The following COL6A1 variants were observed in gnomAD, a reference collection of about 807,000 sequenced individuals.
COL6A1 encodes the protein collagen alpha-1(VI) chain.
COL6A1 carries 80 observed loss-of-function variants against 145.6 expected under a neutral mutation model. The observed-to-expected ratio is 0.55, with a 90% confidence interval of 0.46 to 0.66. The LOEUF is 0.66. Ranked by LOEUF, COL6A1 falls within the 30% of genes least tolerant of loss-of-function variation. COL6A1 has a pLI of 0.00. For missense variants in COL6A1, 1,364 were observed against 1,473.8 expected (o/e 0.93, Z 1.22); for synonymous variants, 638 against 622.8 (o/e 1.02, Z -0.36).
At chr21:45,998,048 C>A (rs2077816257) in intron 22 of COL6A1, 73 bp from the exon 23 acceptor site, 2 of 1,567,590 alleles carry the variant, frequency 1.3e-6, no homozygotes, top group Non-Finnish European at 1.7e-6. Context: ...TGAGGTGCTC[C>A]CGGGCCTGTG....
rs762915587 is a variant in COL6A1, at chr21:46,004,369, C to T, written c.*356C>T. 2.0e-4 allele frequency: 67 copies of T among 334,964 alleles called. No individual in the cohort carries two copies. The highest frequency in any genetic ancestry group is 3.6e-4 in the Non-Finnish European group (61 of 168,734). The allele number at this position is 334,964 out of a possible 1,614,324, so 20.7% of individuals were successfully genotyped here. A position where few individuals can be genotyped will look rare whatever the true frequency, so the allele number is the denominator to read the frequency against. On this transcript the variant is annotated 3_prime_UTR_variant, in exon 35 of 35. Transcript: ENST00000361866. ...GTTCCCCACCCCGGGCTCTCCTGCC[C>T]TGCCCTCCTGCCCGCCCTCCCTCCT...
At position 45,998,420 on chromosome 21, in the gene COL6A1, C is replaced by T. The variant is rs765355178; in HGVS notation, c.1598C>T (p.Ala533Val). 1.9e-6 allele frequency: 3 copies of T among 1,613,196 alleles called. No homozygotes were observed. Among genetic ancestry groups the T allele is most frequent in the Admixed American group, 1.7e-5 (1 of 60,000 alleles). The change falls in exon 24 of 35, where the codon GCT becomes GTT. Residue 533 changes from alanine to valine, a missense_variant. Transcript: ENST00000361866. ...GFPGYPGNRG[A>V]PGINGTKGYP... ...CAGGGGTATCCGGGCAACAGGGGCG[C>T]TCCCGGGATAAACGTGAGTACGCCC...
At chr21:45,985,241 CAG>C (rs2077732526) in intron 3 of COL6A1, among the ~76,000 whole-genome samples, 1 of 148,020 alleles carries the variant, frequency 6.8e-6, no homozygotes, top group Admixed American at 6.7e-5. Context: ...GAGACAGGGA[CAG>C]AGACAGAGAC....
intron 20 of COL6A1, among the ~76,000 whole-genome samples, chr21:45,996,885 GGCAGGGTGGTGTC>G (rs1232622618): frequency 6.6e-6 from 1 of 152,214 alleles, no homozygotes; most frequent in African/African-American, 2.4e-5. Context: ...TGCAGGTGGG[GGCAGGGTGGTGTC>G]CAGGCTCAGC....
At chr21:45,987,817 AGTCCAGATGGAGGGGATGGCGGG>A (rs1569517977) in intron 8 of COL6A1, among the ~76,000 whole-genome samples, 163 bp downstream of exon 8, 2 of 3,198 alleles carry the variant, frequency 6.3e-4, no homozygotes, top group Admixed American at 3.3e-3. Context: ...GGACGGCGGG[AGTCCAGATGGAGGGGATGGCGGG>A]GTCCAGATGG....
intron 26 of COL6A1, 176 bp from the exon 27 acceptor site, chr21:45,999,481 C>A: frequency 1.2e-6 from 1 of 801,796 alleles, no homozygotes; most frequent in East Asian, 2.7e-5. Context: ...CACCAGTGTG[C>A]GAAGCCCCAG....
rs1403823858 is a variant in COL6A1 at position 45,994,042 on chromosome 21, C to T, written c.1336-125C>T. ...TTGGCGAGGCCAGGAAGGGGCTGTG[C>T]GGGGAGGGAAGGCCGGAACAGCCCA... On this transcript the variant is annotated intron_variant, in intron 19 of 34. Coordinates refer to ENST00000361866, the MANE Select transcript of COL6A1 (RefSeq NM_001848.3). This position sits in a 1 kb window ranked among gnomAD's most constrained non-coding sequence, Gnocchi z 6.8. The T allele has an allele frequency of 2.0e-5, 20 of 982,878 alleles. No homozygotes were observed. Among genetic ancestry groups the T allele is most frequent in the Admixed American group, 4.0e-5 (2 of 50,100 alleles). The allele number at this position is 982,878 out of a possible 1,614,324, so 60.9% of individuals were successfully genotyped here. A position where few individuals can be genotyped will look rare whatever the true frequency, so the allele number is the denominator to read the frequency against.
At chr21:45,999,881 G>GTGAGGATCATGGAGGGCA (rs1569518864) in intron 27 of COL6A1, among the ~76,000 whole-genome samples, 189 bp downstream of exon 27, 1 of 116,322 alleles carries the variant, frequency 8.6e-6, no homozygotes. Context: ...ATAGGGGGAT[G>GTGAGGATCATGGAGGGCA]TGTGAGGACC....
Position 45,998,411 on chromosome 21 carries a change from A to T in COL6A1, c.1589A>T (p.Asn530Ile). 6.2e-7 allele frequency: 1 copy of T among 1,613,186 alleles called. No homozygotes were observed. Among genetic ancestry groups the T allele is most frequent in the African/African-American group, 1.3e-5 (1 of 75,024 alleles). The change falls in exon 24 of 35, where the codon AAC (asparagine) becomes ATC (isoleucine). Residue 530 changes from asparagine to isoleucine, a missense_variant. Transcript: ENST00000361866. ...GFPGFPGYPG[N>I]RGAPGINGTK... ...TTTCCATGACAGGGGTATCCGGGCAACAGGGGCGCTCCCGGGATAAACGTG... is the reference window on the plus strand; with the variant it reads ...TTTCCATGACAGGGGTATCCGGGCATCAGGGGCGCTCCCGGGATAAACGTG...
rs761678568 is a variant in COL6A1, at chr21:45,999,198, C to T, written c.1720C>T (p.Arg574Trp). Reference sequence around the variant, plus strand: ...AGGAGTCAAAGGAGCAAAGGGGTACCGGGGTCCCGAGGGCCCCCAGGTGGG... The same window carrying T: ...AGGAGTCAAAGGAGCAAAGGGGTACTGGGGTCCCGAGGGCCCCCAGGTGGG... ...PRGVKGAKGY[R>W]GPEGPQGPPG... Residue 574 changes from arginine to tryptophan, a missense_variant, in exon 26 of 35, where the codon CGG becomes TGG. This residue lies in a region of COL6A1 where 938 missense variants were observed against 1,003.8 expected (regional missense o/e 0.93). Coordinates refer to ENST00000361866, the MANE Select transcript of COL6A1 (RefSeq NM_001848.3). 1.0e-5 allele frequency: 16 copies of T among 1,602,008 alleles called. No homozygotes were observed. Among genetic ancestry groups the T allele is most frequent in the African/African-American group, 2.7e-5 (2 of 74,828 alleles).
chr21:45,997,357 G>A (rs2077811015), intron 20 of COL6A1, 64 bp from the exon 21 acceptor site: 1 of 1,492,990 alleles, frequency 6.7e-7, no homozygotes, highest in African/African-American at 1.4e-5. Flanking sequence ...CTCAGCTTAG[G>A]GTCAGGGAGG....
rs766658998 is a variant in COL6A1 at position 45,991,992 on chromosome 21, TC to T, written c.1120-13del. 1.1e-5 allele frequency: 17 copies of T among 1,566,622 alleles called. No individual in the cohort carries two copies. The East Asian group carries it at 3.8e-4, about 35-fold the overall frequency. On this transcript the variant is annotated splice_polypyrimidine_tract_variant and intron_variant, in intron 15 of 34. Transcript: ENST00000361866. ...GCACACCCCTGCCAGCGTGTGTGAC[TC>T]CCCCGGTCTTCCCCAGGGCGAGCCT...
Position 45,984,467 on chromosome 21 carries a change from G to C in COL6A1, c.426G>C (p.Val142=). 1 of 1,609,284 alleles carries C rather than the reference G, an allele frequency of 6.2e-7. No homozygotes were observed. Among genetic ancestry groups the C allele is most frequent in the East Asian group, 2.2e-5 (1 of 44,860 alleles). ...AGAAGGGGCTGGAGCAGCTCCTCGT[G>C]GGGTGAGTGGCCCCCAGCCTCCTGC... The part of the protein sequence containing the change: ...AIKKGLEQLL[V]GGSHLKENKY... The change falls in exon 3 of 35, where the codon GTG becomes GTC. Residue 142 remains valine, a splice_region_variant and synonymous_variant. Transcript: ENST00000361866.
At chr21:45,995,596 A>G (rs1391274030) in intron 20 of COL6A1, among the ~76,000 whole-genome samples, 2 of 152,236 alleles carry the variant, frequency 1.3e-5, no homozygotes, top group Non-Finnish European at 2.9e-5. Flanking sequence ...CCACTATAAG[A>G]AAAAAACAAA....
At chr21:45,992,097 C>G in intron 16 of COL6A1, 25 bp downstream of exon 16, 1 of 1,613,472 alleles carries the variant, frequency 6.2e-7, no homozygotes, top group Non-Finnish European at 8.5e-7. Flanking sequence ...AGCCCCCACA[C>G]ATGCCAGGTA....
chr21:45,984,581 T>C, intron 3 of COL6A1, 112 bp downstream of exon 3: 1 of 1,031,356 alleles, frequency 9.7e-7, no homozygotes, highest in South Asian at 1.3e-5. Flanking sequence ...CCCTGTTCTC[T>C]TGGAGGCTGC....
intron 19 of COL6A1, among the ~76,000 whole-genome samples, chr21:45,993,617 C>T (rs563003149): frequency 6.6e-5 from 10 of 152,334 alleles, no homozygotes; most frequent in Admixed American, 5.2e-4. Flanking sequence ...TCGCCGCCAC[C>T]GAGGGATTTG....
intron 31 of COL6A1, 65 bp downstream of exon 31, chr21:46,002,135 C>T (rs955133599): frequency 6.3e-6 from 10 of 1,576,006 alleles, no homozygotes; most frequent in African/African-American, 5.4e-5. Flanking sequence ...CACGGCAGGT[C>T]GGCCCTGACC....
Position 46,004,113 on chromosome 21 carries a change from T to A in COL6A1, c.*100T>A. 6.7e-7 allele frequency: 1 copy of A among 1,495,306 alleles called. No homozygotes were observed. Among genetic ancestry groups the A allele is most frequent in the Non-Finnish European group, 9.2e-7 (1 of 1,090,454 alleles). 92.6% of individuals were successfully genotyped at this position (1,495,306 alleles called of 1,614,324 possible). On this transcript the variant is annotated 3_prime_UTR_variant, in exon 35 of 35. Coordinates refer to ENST00000361866, the MANE Select transcript of COL6A1 (RefSeq NM_001848.3). The stretch of plus-strand genomic sequence containing the variant: ...TGCGAATTTTCCCGACCAACCTGAT[T>A]CGCTAGATTTTTTTTAAGGAAAAGC...
Sources: gnomAD v4.1 joint callset for allele counts (sites outside exome capture counted in the v4.1 genomes callset) on GRCh38, gnomAD v4.1.1 for gene constraint, gnomAD v4.1.1 regional missense constraint, Gnocchi (gnomAD v3.1) non-coding constraint, MANE v1.5 for transcripts, NCBI Gene and HGNC (gene_info 2026-07-23, HGNC 2026-07-21) for gene names.